The following PDE10A variants were observed in gnomAD, a reference collection of about 807,000 sequenced individuals.
The protein encoded by PDE10A is phosphodiesterase 10A, also known as cAMP and cAMP-inhibited cGMP 3',5'-cyclic phosphodiesterase 10A.
Under a neutral mutation model 97.7 loss-of-function variants are expected in PDE10A, and 39 were observed. That is an observed-to-expected ratio of 0.40 (90% confidence interval 0.31 to 0.52). The LOEUF is 0.52. PDE10A is among the 20% of genes least tolerant of loss of function. PDE10A has a pLI of 0.56. For synonymous variants in PDE10A, 371 were observed against 376.8 expected, an observed-to-expected ratio of 0.98 and a Z score of 0.18; for missense variants, 731 against 1,047.8, an observed-to-expected ratio of 0.70 and a Z score of 4.17.
chr6:165,666,942 T>G (rs2128434919), upstream of PDE10A, among the ~76,000 whole-genome samples: 1 of 152,344 alleles, frequency 6.6e-6, no homozygotes, highest in Non-Finnish European at 1.5e-5. Flanking sequence ...CAATAATTGC[T>G]GGCCTTCCTG....
intron 2 of PDE10A, among the ~76,000 whole-genome samples, chr6:165,521,916 T>C (rs1388028677): frequency 6.6e-6 from 1 of 152,206 alleles, no homozygotes; most frequent in Non-Finnish European, 1.5e-5. Flanking sequence ...ATAAGTGGGA[T>C]CATATAATAT....
intron 1 of PDE10A, among the ~76,000 whole-genome samples, chr6:165,852,647 G>A (rs1780602558): frequency 6.6e-6 from 1 of 152,198 alleles, no homozygotes; most frequent in Non-Finnish European, 1.5e-5. Flanking sequence ...CACACTGTGA[G>A]CAAGGTTCCT....
chr6:165,773,905 A>C (rs1778088697), intron 1 of PDE10A, among the ~76,000 whole-genome samples: 1 of 152,230 alleles, frequency 6.6e-6, no homozygotes, highest in Admixed American at 6.5e-5. Flanking sequence ...CATGTATTAC[A>C]ACTATCATAT....
intron 1 of PDE10A, chr6:165,949,319 C>T (rs972259066): frequency 1.3e-5 from 2 of 152,240 alleles, no homozygotes; most frequent in African/African-American, 4.8e-5. Flanking sequence ...TTCTTCGACT[C>T]TCTTGAGTCT....
chr6:165,440,152 C>T (rs190968780), intron 5 of PDE10A, among the ~76,000 whole-genome samples: 2 of 152,176 alleles, frequency 1.3e-5, no homozygotes, highest in South Asian at 2.1e-4. Flanking sequence ...TGTAGACGGC[C>T]GTAAGTAAAT....
At chr6:165,529,630 A>G (rs536909677) in intron 2 of PDE10A, among the ~76,000 whole-genome samples, 4 of 152,332 alleles carry the variant, frequency 2.6e-5, no homozygotes, top group African/African-American at 7.2e-5. Flanking sequence ...GTGCGTGTAT[A>G]CACTTGTACT....
chr6:165,597,760 G>A (rs904069542), intron 1 of PDE10A, among the ~76,000 whole-genome samples: 18 of 152,308 alleles, frequency 1.2e-4, no homozygotes, highest in Middle Eastern at 3.4e-3. Context: ...GCAGCAGACA[G>A]GAGAAAAGCC....
chr6:165,482,098 G>A (rs1779637722), intron 3 of PDE10A, among the ~76,000 whole-genome samples: 1 of 152,292 alleles, frequency 6.6e-6, no homozygotes, highest in East Asian at 1.9e-4. Context: ...ACGTGCAGCC[G>A]AACAAAATGC....
Position 165,819,765 on chromosome 6 carries a change from C to T in PDE10A, c.-615+167764G>A, listed in dbSNP as rs1165530668. ...TCCGGCCAGGATCTGAAACCTACTG[C>T]AGTGCCTACAACAGTGCCTGCCACA... On this transcript the variant is annotated intron_variant, in intron 1 of 19. Transcript: ENST00000366882. This position sits in a 1 kb window ranked among gnomAD's most constrained non-coding sequence, Gnocchi z 4.2. 6.6e-6 allele frequency among the ~76,000 whole-genome samples: 1 copy of T among 152,198 alleles called. No individual in the cohort carries two copies. The highest frequency in any genetic ancestry group is 1.5e-5 in the Non-Finnish European group (1 of 68,040).
intron 1 of PDE10A, among the ~76,000 whole-genome samples, chr6:165,799,587 C>T (rs574599328): frequency 6.6e-6 from 1 of 152,294 alleles, no homozygotes; most frequent in East Asian, 1.9e-4. Flanking sequence ...TGAATTAGTT[C>T]AGCCATTTAA....
chr6:165,345,576 T>G (rs1371371924), intron 18 of PDE10A, among the ~76,000 whole-genome samples: 1 of 152,184 alleles, frequency 6.6e-6, no homozygotes, highest in Admixed American at 6.5e-5. Context: ...AATAACCAAT[T>G]GTGAAAGGAT....
intron 5 of PDE10A, among the ~76,000 whole-genome samples, chr6:165,444,703 T>C (rs1476341371): frequency 2.6e-5 from 4 of 152,032 alleles, no homozygotes; most frequent in African/African-American, 9.6e-5. Context: ...TTCTGCTAAA[T>C]GTTCTATGTG....
At chr6:165,657,931 A>T (rs1790047473) in intron 1 of PDE10A, among the ~76,000 whole-genome samples, 1 of 152,112 alleles carries the variant, frequency 6.6e-6, no homozygotes, top group Non-Finnish European at 1.5e-5. Flanking sequence ...TCATTTTTGT[A>T]GGTGTCCATA....
At chr6:165,938,186 A>C (rs1783396849) in intron 1 of PDE10A, among the ~76,000 whole-genome samples, 1 of 152,226 alleles carries the variant, frequency 6.6e-6, no homozygotes, top group African/African-American at 2.4e-5. Context: ...CAGTAACTCA[A>C]GGTAAAACAA....
chr6:165,747,668 A>G (rs1473973630), intron 1 of PDE10A, among the ~76,000 whole-genome samples: 1 of 152,190 alleles, frequency 6.6e-6, no homozygotes, highest in African/African-American at 2.4e-5. Flanking sequence ...GAAGGCAGAA[A>G]GAAAATGAGC....
chr6:165,486,078 G>A (rs2128283873), intron 2 of PDE10A, among the ~76,000 whole-genome samples: 1 of 152,280 alleles, frequency 6.6e-6, no homozygotes, highest in Non-Finnish European at 1.5e-5. Flanking sequence ...TAATGAAATA[G>A]CAGAGGATAC....
At chr6:165,350,994 A>G (rs1006116406) in intron 18 of PDE10A, among the ~76,000 whole-genome samples, 22 of 152,220 alleles carry the variant, frequency 1.4e-4, no homozygotes, top group Admixed American at 6.5e-5. Context: ...AGAACGGACT[A>G]ATACACTGTC....
intron 1 of PDE10A, among the ~76,000 whole-genome samples, chr6:165,707,314 C>T (rs1461220590): frequency 6.6e-6 from 1 of 152,192 alleles, no homozygotes; most frequent in Non-Finnish European, 1.5e-5. Flanking sequence ...CGGGCTGAGC[C>T]TGCTCAGACT....
chr6:165,619,399 G>GTAGTCTAGTC (rs1562634698), intron 1 of PDE10A, among the ~76,000 whole-genome samples: 2 of 55,756 alleles, frequency 3.6e-5, no homozygotes, highest in East Asian at 4.2e-4. Flanking sequence ...ATAGTGTAGT[G>GTAGTCTAGTC]TAGTGTAGTC....
Sources: allele counts gnomAD v4.1 joint callset (sites outside exome capture counted in the v4.1 genomes callset), GRCh38; gene constraint gnomAD v4.1.1; non-coding constraint Gnocchi (gnomAD v3.1); transcripts MANE v1.5; gene names NCBI Gene and HGNC (gene_info 2026-07-23, HGNC 2026-07-21).